GRIK2: variants seen among roughly 807,000 people sequenced by gnomAD.
GRIK2 encodes glutamate ionotropic receptor kainate type subunit 2.
A neutral mutation model predicts 100.3 loss-of-function variants in GRIK2; 32 were observed. The observed-to-expected ratio is 0.32, with a 90% CI of 0.24 to 0.43. The LOEUF is 0.43. GRIK2 is among the 20% of genes least tolerant of loss of function. The pLI is 1.00. For synonymous variants in GRIK2, 417 were observed against 389.4 expected, an observed-to-expected ratio of 1.07 and a Z score of -0.83; for missense variants, 843 against 1,114.9, an observed-to-expected ratio of 0.76 and a Z score of 3.47.
At chr6:101,594,898 G>C (rs969207427) in intron 2 of GRIK2, among the ~76,000 whole-genome samples, 2 of 151,056 alleles carry the variant, frequency 1.3e-5, no homozygotes, top group Non-Finnish European at 3.0e-5. Flanking sequence ...TTTTTCTTAT[G>C]TTGTTTTATA....
At chr6:101,451,696 G>GGC (rs937325177) in intron 2 of GRIK2, among the ~76,000 whole-genome samples, 1 of 13,140 alleles carries the variant, frequency 7.6e-5, no homozygotes. Flanking sequence ...TTATCTCTGA[G>GGC]GGGGGGGGGG....
chr6:101,930,361 A>G (rs1315730906), intron 14 of GRIK2, among the ~76,000 whole-genome samples: 1,669 of 151,504 alleles, frequency 0.011, 33 homozygotes, highest in African/African-American at 0.038. Context: ...AAAATAAAAT[A>G]AAATAAAATA....
chr6:102,059,259 TTTAA>T (rs1448173608), intron 16 of GRIK2, among the ~76,000 whole-genome samples: 1 of 151,320 alleles, frequency 6.6e-6, no homozygotes, highest in South Asian at 2.1e-4. Flanking sequence ...AAAAAATGGC[TTTAA>T]TTGTGATGTA....
At chr6:101,668,646 G>A (rs1770207372) in intron 4 of GRIK2, among the ~76,000 whole-genome samples, 1 of 152,106 alleles carries the variant, frequency 6.6e-6, no homozygotes, top group Non-Finnish European at 1.5e-5. Context: ...ATGCATTTTG[G>A]GTTGAGTCTG....
chr6:101,531,535 C>T (rs1775444255), intron 2 of GRIK2, among the ~76,000 whole-genome samples: 1 of 151,864 alleles, frequency 6.6e-6, no homozygotes, highest in Non-Finnish European at 1.5e-5. Context: ...GAACCTCCTT[C>T]TCCTGCTTGA....
chr6:101,562,782 A>AC (rs1777083527), intron 2 of GRIK2, among the ~76,000 whole-genome samples: 2 of 152,194 alleles, frequency 1.3e-5, no homozygotes, highest in Admixed American at 6.5e-5. Flanking sequence ...CATATACTCA[A>AC]CAATGATATT....
intron 15 of GRIK2, among the ~76,000 whole-genome samples, chr6:102,036,396 G>A (rs992596981): frequency 2.0e-5 from 3 of 151,330 alleles, no homozygotes; most frequent in African/African-American, 7.3e-5. Context: ...TATAGCATAT[G>A]CTTTGAATAT....
At chr6:101,965,560 G>A (rs1460277930) in intron 14 of GRIK2, among the ~76,000 whole-genome samples, 8 of 152,088 alleles carry the variant, frequency 5.3e-5, no homozygotes, top group Admixed American at 2.6e-4. Context: ...GTTTATTTTT[G>A]TAATAATTTA....
intron 7 of GRIK2, among the ~76,000 whole-genome samples, chr6:101,707,264 T>C (rs911353334): frequency 2.2e-4 from 33 of 151,468 alleles, no homozygotes; most frequent in South Asian, 4.1e-4. Flanking sequence ...AAGATAGTTA[T>C]TGCATTTCAA....
At chr6:101,479,559 AG>A (rs1223687500) in intron 2 of GRIK2, among the ~76,000 whole-genome samples, 1 of 152,138 alleles carries the variant, frequency 6.6e-6, no homozygotes, top group Non-Finnish European at 1.5e-5. Flanking sequence ...GTTTTCTAAA[AG>A]CTTTTACTGA....
At chr6:101,548,142 C>A (rs922182831) in intron 2 of GRIK2, among the ~76,000 whole-genome samples, 11 of 151,962 alleles carry the variant, frequency 7.2e-5, no homozygotes, top group African/African-American at 2.7e-4. Flanking sequence ...CTGTTCATAT[C>A]CTTCGCCCAC....
At chr6:101,970,831 C>A (rs1020034471) in intron 14 of GRIK2, among the ~76,000 whole-genome samples, 1 of 150,764 alleles carries the variant, frequency 6.6e-6, no homozygotes, top group African/African-American at 2.5e-5. Context: ...CCACCTCCTA[C>A]CTCAATTTGA....
chr6:101,585,567 T>A (rs1025102863), intron 2 of GRIK2, among the ~76,000 whole-genome samples: 1 of 152,068 alleles, frequency 6.6e-6, no homozygotes, highest in Non-Finnish European at 1.5e-5. Context: ...TGATACAGGG[T>A]ATTCATAGAA....
chr6:101,529,266 A>G (rs1476155840), intron 2 of GRIK2, among the ~76,000 whole-genome samples: 1 of 152,092 alleles, frequency 6.6e-6, no homozygotes, highest in Non-Finnish European at 1.5e-5. Context: ...TCATCAGTGA[A>G]TGAACTTTGT....
chr6:101,851,767 C>A (rs1481589438), intron 10 of GRIK2, among the ~76,000 whole-genome samples: 1 of 62,132 alleles, frequency 1.6e-5, no homozygotes, highest in African/African-American at 7.1e-5. Context: ...GTGGCTAATC[C>A]CAGTTAACTA....
chr6:101,556,321 A>ATTTTTTTTTTTTT lies in GRIK2; in HGVS notation c.116-65609_116-65597dup, dbSNP rs10528480. Among the ~76,000 whole-genome samples the ATTTTTTTTTTTTT allele has an allele frequency of 3.4e-3, 200 of 59,378 alleles. 35 individuals are homozygous for ATTTTTTTTTTTTT. Among genetic ancestry groups the ATTTTTTTTTTTTT allele is most frequent in the Non-Finnish European group, 4.6e-3 (126 of 27,404 alleles). The allele number at this position is 59,378 out of a possible 152,430, so 39.0% of individuals were successfully genotyped here. On this transcript the variant is annotated intron_variant, in intron 2 of 16. Transcript: ENST00000369134. ...AATTGCACTATGTAATATATTGGTA[A>ATTTTTTTTTTTTT]TTTTTTTTTTTTTTTTTTTTTTTTT...
chr6:102,043,885 A>C (rs1480295959), intron 15 of GRIK2, among the ~76,000 whole-genome samples: 2 of 151,952 alleles, frequency 1.3e-5, no homozygotes, highest in Non-Finnish European at 2.9e-5. Flanking sequence ...TTTTATAAGG[A>C]GTTTTCACTT....
intron 2 of GRIK2, among the ~76,000 whole-genome samples, chr6:101,524,029 A>T (rs1005197522): frequency 9.9e-5 from 15 of 152,084 alleles, no homozygotes; most frequent in African/African-American, 3.6e-4. Context: ...GCTGATTCCT[A>T]GGTCTTTTTA....
intron 7 of GRIK2, among the ~76,000 whole-genome samples, chr6:101,741,976 C>T (rs1583056045): frequency 6.6e-6 from 1 of 152,240 alleles, no homozygotes; most frequent in African/African-American, 2.4e-5. Flanking sequence ...GGAGTATGCC[C>T]AGGTTTACCT....
Sources: gnomAD v4.1 joint callset for allele counts (sites outside exome capture counted in the v4.1 genomes callset) on GRCh38, gnomAD v4.1.1 for gene constraint, MANE v1.5 for transcripts, NCBI Gene and HGNC (gene_info 2026-07-23, HGNC 2026-07-21) for gene names.